The following TDRD1 variants were observed in gnomAD, a reference collection of about 807,000 sequenced individuals.
TDRD1 encodes the protein tudor domain-containing protein 1.
In TDRD1, 37 loss-of-function variants were observed where a neutral mutation model predicts 140.6. The observed-to-expected ratio is 0.26, with a 90% CI of 0.20 to 0.35. The LOEUF is 0.35. TDRD1 is among the 10% of genes least tolerant of loss of function. The probability of loss-of-function intolerance (pLI) is 1.00; values close to 1 mark genes in which losing one functional copy is unlikely to be tolerated. For missense variants in TDRD1, 1,243 were observed against 1,393.0 expected, an observed-to-expected ratio of 0.89 and a Z score of 1.71; for synonymous variants, 506 against 475.7, an observed-to-expected ratio of 1.06 and a Z score of -0.83.
chr10:114,186,242 C>T (rs1464286458), intron 1 of TDRD1, among the ~76,000 whole-genome samples: 3 of 151,476 alleles, frequency 2.0e-5, no homozygotes, highest in Admixed American at 6.6e-5. Flanking sequence ...CCTCCCCCAA[C>T]CACCACCTGA....
At chr10:114,184,846 CTG>C (rs2033390652) in intron 1 of TDRD1, among the ~76,000 whole-genome samples, 1 of 152,008 alleles carries the variant, frequency 6.6e-6, no homozygotes. Context: ...GTCTGATTCT[CTG>C]TGAAGCATAA....
chr10:114,188,118 T>G (rs1564933306), exon 2 of TDRD1: 24 of 1,604,758 alleles, frequency 1.5e-5, no homozygotes, highest in Non-Finnish European at 1.8e-5. Flanking sequence ...AACGGAGAAG[T>G]AGTTGGCTCC....
At chr10:114,222,618 T>A in exon 21 of TDRD1, 1 of 1,612,030 alleles carries the variant, frequency 6.2e-7, no homozygotes, top group Admixed American at 1.7e-5. Flanking sequence ...TGTTGACAGC[T>A]GAATTATTAG....
intron 18 of TDRD1, 30 bp from the exon 19 acceptor site, chr10:114,220,538 A>T: frequency 6.4e-7 from 1 of 1,569,944 alleles, no homozygotes; most frequent in South Asian, 1.1e-5. Flanking sequence ...TGTTCATAGG[A>T]TTCTTTTTAC....
intron 16 of TDRD1, among the ~76,000 whole-genome samples, chr10:114,215,343 A>G (rs2035752318): frequency 6.6e-6 from 1 of 152,164 alleles, no homozygotes; most frequent in Non-Finnish European, 1.5e-5. Flanking sequence ...GCTGTAAATT[A>G]GTGTTGCTGT....
At chr10:114,210,870 T>C (rs2035438968) in exon 13 of TDRD1, 2 of 1,614,146 alleles carry the variant, frequency 1.2e-6, no homozygotes, top group East Asian at 4.5e-5. Flanking sequence ...GAAAGCTTGC[T>C]GAACTTCAGG....
intron 17 of TDRD1, 137 bp downstream of exon 17, chr10:114,217,792 G>A (rs1359929784): frequency 1.7e-6 from 1 of 580,440 alleles, no homozygotes; most frequent in African/African-American, 2.0e-5. Context: ...ACAATGTCAT[G>A]TGTTTTTCCT....
At chr10:114,226,144 C>G in exon 22 of TDRD1, 2 of 1,614,068 alleles carry the variant, frequency 1.2e-6, no homozygotes, top group Non-Finnish European at 1.7e-6. Flanking sequence ...AACCCTGCCT[C>G]TTTGCAGAGT....
At chr10:114,203,534 G>T in exon 8 of TDRD1, 2 of 1,610,928 alleles carry the variant, frequency 1.2e-6, no homozygotes, top group Non-Finnish European at 8.5e-7. Flanking sequence ...CTGTTAAGGG[G>T]GAAGTTTGTA....
chr10:114,206,607 G>GTTT (rs1299669109), intron 11 of TDRD1, among the ~76,000 whole-genome samples: 5 of 138,126 alleles, frequency 3.6e-5, no homozygotes, highest in Non-Finnish European at 7.7e-5. Flanking sequence ...TAGAGTTAGG[G>GTTT]TTTGTTTTTT....
chr10:114,227,915 A>G (rs199731090), exon 24 of TDRD1: 1 of 1,613,520 alleles, frequency 6.2e-7, no homozygotes, highest in African/African-American at 1.3e-5. Flanking sequence ...TTTAGAAAAG[A>G]TGTATAGGAT....
exon 14 of TDRD1, chr10:114,211,987 C>T (rs762742675): frequency 6.2e-7 from 1 of 1,611,962 alleles, no homozygotes; most frequent in East Asian, 2.2e-5. Context: ...GTCCCATAAT[C>T]CCAAAGTTGT....
intron 21 of TDRD1, among the ~76,000 whole-genome samples, chr10:114,223,567 T>C (rs779196107): frequency 2.6e-5 from 4 of 152,246 alleles, no homozygotes; most frequent in Non-Finnish European, 5.9e-5. Flanking sequence ...CTTGCAGATA[T>C]TGCACACTAG....
intron 1 of TDRD1, among the ~76,000 whole-genome samples, chr10:114,184,139 A>G (rs920343426): frequency 1.3e-5 from 2 of 151,998 alleles, no homozygotes; most frequent in Non-Finnish European, 2.9e-5. Context: ...TGCACCCACT[A>G]GGCAGAAAAT....
chr10:114,228,262 T>G, intron 25 of TDRD1: 1 of 1,431,260 alleles, frequency 7.0e-7, no homozygotes, highest in Non-Finnish European at 9.2e-7. Flanking sequence ...GACCTGAGGT[T>G]TGGTCATAAT....
At chr10:114,214,102 C>T in exon 16 of TDRD1, 1 of 1,613,240 alleles carries the variant, frequency 6.2e-7, no homozygotes, top group Non-Finnish European at 8.5e-7. Flanking sequence ...TTGCCATGTG[C>T]TTAAAGAGGA....
At chr10:114,228,085 C>A (rs759818427) in exon 25 of TDRD1, 12 of 1,605,092 alleles carry the variant, frequency 7.5e-6, no homozygotes, top group Non-Finnish European at 1.0e-5. Context: ...ACAATTCAAC[C>A]AATCAAAATA....
intron 9 of TDRD1, 91 bp from the exon 10 acceptor site, chr10:114,204,630 CA>C: frequency 7.8e-7 from 1 of 1,284,108 alleles, no homozygotes; most frequent in South Asian, 1.6e-5. Flanking sequence ...GATAAGTTTT[CA>C]GCATGAAATA....
At chr10:114,181,608 C>G (rs2033068341) in intron 1 of TDRD1, among the ~76,000 whole-genome samples, 3 of 152,136 alleles carry the variant, frequency 2.0e-5, no homozygotes, top group Non-Finnish European at 4.4e-5. Flanking sequence ...AATTCCAGCG[C>G]TTCGGGAGGC....
Sources: gnomAD v4.1 joint callset for allele counts (sites outside exome capture counted in the v4.1 genomes callset) on GRCh38, gnomAD v4.1.1 for gene constraint, MANE v1.5 for transcripts, NCBI Gene and HGNC (gene_info 2026-07-23, HGNC 2026-07-21) for gene names.